FBXW5: variants seen among roughly 807,000 people sequenced by gnomAD.
FBXW5 encodes F-box and WD repeat domain containing 5, also known as F-box/WD repeat-containing protein 5.
Under a neutral mutation model 50.9 loss-of-function variants are expected in FBXW5, and 74 were observed. The observed-to-expected ratio is 1.45, with a 90% CI of 1.20 to 1.76. The LOEUF is 1.76. Ranked by LOEUF, FBXW5 falls within the 40% of genes most tolerant of loss-of-function variation. The pLI is 0.00. For synonymous variants in FBXW5, 523 were observed against 362.2 expected (o/e 1.44, Z -5.04); for missense variants, 1,073 against 818.8 (o/e 1.31, Z -3.79).
Position 136,941,531 on chromosome 9 carries a change from G to GC in FBXW5, c.1244+5dup. ...ACCCCGCCTGGGACACTGGCAAGAG[G>GC]CCCACCTGTTGTCGGGCGACAGGCC... On this transcript the variant is annotated splice_donor_region_variant and intron_variant, in intron 7 of 8. Coordinates refer to ENST00000325285, the MANE Select transcript of FBXW5 (RefSeq NM_018998.4). 1.9e-6 allele frequency: 3 copies of GC among 1,609,486 alleles called. No homozygotes were observed. The South Asian group carries it at 3.3e-5, about 18-fold the overall frequency.
In FBXW5 at chr9:136,942,828, G is replaced by A. The variant is rs770441219; in HGVS notation, c.467C>T (p.Ser156Leu). The change falls in exon 4 of 9, where the codon TCG (serine) becomes TTG (leucine). Residue 156 changes from serine to leucine, a missense_variant. Ser to Leu is a moderately radical substitution (Grantham distance 145). Transcript: ENST00000325285. ...GTTGTGCGGCCCCAGGAACACCCCC[G>A]AGGCCAGCAGTAGCGAGTCGTCCTT... is the stretch of plus-strand genomic sequence containing the variant. Reference protein sequence around the residue: ...FNKDDSLLLASGVFLGPHNSS... With the variant: ...FNKDDSLLLALGVFLGPHNSS... 39 of 1,613,214 alleles carry A rather than the reference G, an allele frequency of 2.4e-5. No homozygotes were observed. The highest frequency in any genetic ancestry group is 6.7e-5 in the East Asian group (3 of 44,890).
chr9:136,942,895 G>C lies in FBXW5; in HGVS notation c.400C>G (p.Arg134Gly). ...TISLLHSADM[R>G]PYNWSYTQFS... The stretch of plus-strand genomic sequence containing the variant: ...TGGGTGTAGCTCCAGTTGTAGGGCC[G>C]CATGTCCGCGCTGTGCAGCAGCGAG... The change falls in exon 4 of 9, where the codon CGG (arginine) becomes GGG (glycine). Residue 134 changes from arginine (R) to glycine (G), a missense_variant. Transcript: ENST00000325285. 1 of 1,613,502 alleles carries C rather than the reference G, an allele frequency of 6.2e-7. No individual in the cohort carries two copies. The highest frequency in any genetic ancestry group is 8.5e-7 in the Non-Finnish European group (1 of 1,179,976).
chr9:136,940,587 G>C lies in FBXW5; in HGVS notation c.*341C>G. ...CCTGCCACCACTGGGCCACCGTCCA[G>C]GGCCCCACAGGACCAGCCGAAGGTG... is the stretch of plus-strand genomic sequence containing the variant. On this transcript the variant is annotated 3_prime_UTR_variant, in exon 9 of 9. Transcript: ENST00000325285. 2.9e-6 allele frequency: 1 copy of C among 343,774 alleles called. No homozygotes were observed. Among genetic ancestry groups the C allele is most frequent in the Middle Eastern group, 9.5e-4 (1 of 1,050 alleles). The allele number at this position is 343,774 out of a possible 1,614,324, so 21.3% of individuals were successfully genotyped here.
Position 136,942,482 on chromosome 9 carries a change from C to A in FBXW5, c.676-16G>T. On this transcript the variant is annotated splice_polypyrimidine_tract_variant and intron_variant, in intron 5 of 8. Coordinates refer to ENST00000325285, the MANE Select transcript of FBXW5 (RefSeq NM_018998.4). ...ACTCCACATCCTGGGGGCGGGGGCA[C>A]GTGCCAGGTGGGCGCCGGGCGCCAG... is the stretch of plus-strand genomic sequence containing the variant. The A allele has an allele frequency of 6.3e-7, 1 of 1,596,182 alleles. No homozygotes were observed. Among genetic ancestry groups the A allele is most frequent in the African/African-American group, 1.3e-5 (1 of 74,198 alleles).
intron 1 of FBXW5, 75 bp from the exon 2 acceptor site, chr9:136,944,181 C>T (rs1250818415): frequency 4.3e-6 from 6 of 1,404,186 alleles, no homozygotes; most frequent in Non-Finnish European, 4.7e-6. Flanking sequence ...GTTCCTCCAG[C>T]CCCAACCGTC....
intron 6 of FBXW5, 39 bp from the exon 7 acceptor site, chr9:136,941,723 C>T (rs1350944019): frequency 6.5e-7 from 1 of 1,532,770 alleles, no homozygotes; most frequent in South Asian, 1.2e-5. Flanking sequence ...TGTCCAATGC[C>T]CCAAGGACAT....
Position 136,943,808 on chromosome 9 carries a change from G to GCCCCCAGCCAGGCTGA in FBXW5, c.193+67_193+82dup, listed in dbSNP as rs1234952456. On this transcript the variant is annotated intron_variant, in intron 2 of 8. Coordinates refer to ENST00000325285, the MANE Select transcript of FBXW5 (RefSeq NM_018998.4). Reference sequence around the variant, plus strand: ...ATGGACACGCGGGGCCGCGGGGCGGGCCCCCAGCCAGGCTGACCCCCAAGC... The same window carrying GCCCCCAGCCAGGCTGA: ...ATGGACACGCGGGGCCGCGGGGCGGGCCCCCAGCCAGGCTGACCCCCAGCCAGGCTGACCCCCAAGC... The GCCCCCAGCCAGGCTGA allele has an allele frequency of 1.3e-4, 178 of 1,423,600 alleles. 1 individual carries two copies. In the South Asian group the frequency reaches 1.3e-3, roughly 11 times the overall value. 88.2% of individuals were successfully genotyped at this position (1,423,600 alleles called of 1,614,324 possible).
rs1346519030 is a variant in FBXW5, at chr9:136,940,507, C to G, written c.*421G>C. ...ACATGCAACACACTCGGGCCCACAG[C>G]AGCGTGACCGGCCGCTCCCAAGCCC... On this transcript the variant is annotated 3_prime_UTR_variant, in exon 9 of 9. Coordinates refer to ENST00000325285, the MANE Select transcript of FBXW5 (RefSeq NM_018998.4). 1.2e-5 allele frequency: 3 copies of G among 256,690 alleles called. No individual in the cohort carries two copies. The highest frequency in any genetic ancestry group is 2.3e-5 in the Non-Finnish European group (3 of 128,812). 15.9% of individuals were successfully genotyped at this position (256,690 alleles called of 1,614,324 possible).
Position 136,940,958 on chromosome 9 carries a change from G to A in FBXW5, c.1671C>T (p.Phe557=), listed in dbSNP as rs764064558. Residue 557 remains phenylalanine, a synonymous_variant, in exon 9 of 9, where the codon TTC becomes TTT. Coordinates refer to ENST00000325285, the MANE Select transcript of FBXW5 (RefSeq NM_018998.4). ...LQAPRPRPRT[F]FSWLASQRR ...GCCTCTGGCTGGCAAGCCAGGAGAA[G>A]AAGGTGCGAGGCCGTGGGCGAGGTG... 39 of 1,570,288 alleles carry A rather than the reference G, an allele frequency of 2.5e-5. No individual in the cohort carries two copies. The South Asian group carries it at 3.4e-4, about 14-fold the overall frequency.
At position 136,944,117 on chromosome 9, in the gene FBXW5, C is replaced by A; in HGVS notation, c.-23-11G>T. Reference sequence around the variant, plus strand: ...TCTGCCCAGGCGGCCCTGAAACCCACCAACGGCTGCCCTCAGCCCAGGCCC... The same window carrying A: ...TCTGCCCAGGCGGCCCTGAAACCCAACAACGGCTGCCCTCAGCCCAGGCCC... On this transcript the variant is annotated splice_polypyrimidine_tract_variant and intron_variant, in intron 1 of 8. Transcript: ENST00000325285. The A allele has an allele frequency of 9.7e-6, 15 of 1,545,656 alleles. No homozygotes were observed. The highest frequency in any genetic ancestry group is 1.1e-5 in the Non-Finnish European group (13 of 1,144,616).
rs925937656 is a variant in FBXW5 at position 136,940,828 on chromosome 9, A to G, written c.*100T>C. 8.2e-6 allele frequency: 12 copies of G among 1,461,620 alleles called. No individual in the cohort carries two copies. The highest frequency in any genetic ancestry group is 4.2e-5 in the African/African-American group (3 of 71,192). The allele number at this position is 1,461,620 out of a possible 1,614,324, so 90.5% of individuals were successfully genotyped here. On this transcript the variant is annotated 3_prime_UTR_variant, in exon 9 of 9. Transcript: ENST00000325285. ...CCTGGTTGTCCCCTTCCTAAGGCGT[A>G]ACTGCTATAAGCATCTCCACCTCTC...
At chr9:136,943,676 G>A (rs1446738470) in intron 2 of FBXW5, among the ~76,000 whole-genome samples, 170 bp from the exon 3 acceptor site, 1 of 152,078 alleles carries the variant, frequency 6.6e-6, no homozygotes, top group Non-Finnish European at 1.5e-5. Context: ...AGAGACCCCT[G>A]TACCCCCCAC....
rs150230588 is a variant in FBXW5, at chr9:136,940,676, C to T, written c.*252G>A. 1.7e-4 allele frequency: 95 copies of T among 560,070 alleles called. 1 individual carries two copies. The East Asian group carries it at 2.6e-3, about 15-fold the overall frequency. 34.7% of individuals were successfully genotyped at this position (560,070 alleles called of 1,614,324 possible). A position where few individuals can be genotyped will look rare whatever the true frequency, so the allele number is the denominator to read the frequency against. On this transcript the variant is annotated 3_prime_UTR_variant, in exon 9 of 9. Coordinates refer to ENST00000325285, the MANE Select transcript of FBXW5 (RefSeq NM_018998.4). ...CCTGGGGTTGAGTGAGGAGCGGCACCCCCAGTATCCTGTGTACCCCAAGTT... is the reference window on the plus strand; with the variant it reads ...CCTGGGGTTGAGTGAGGAGCGGCACTCCCAGTATCCTGTGTACCCCAAGTT...
intron 8 of FBXW5, 39 bp downstream of exon 8, chr9:136,941,212 G>A (rs780017206): frequency 3.1e-5 from 49 of 1,599,110 alleles, no homozygotes; most frequent in Non-Finnish European, 3.8e-5. Context: ...CCCGCCCGCT[G>A]CTGCCCACAC....
chr9:136,944,547 G>A, intron 1 of FBXW5, 47 bp downstream of exon 1: 2 of 983,760 alleles, frequency 2.0e-6, no homozygotes, highest in Non-Finnish European at 2.4e-6. Context: ...GCCCAAGGCG[G>A]GCGGGGACGA....
At position 136,943,254 on chromosome 9, in the gene FBXW5, C is replaced by A. The variant is rs568389921; in HGVS notation, c.351+95G>T. ...GTCACCTCTGGCCTGACCCACCCCC[C>A]CCCCCACCACCACCTGGTTGGAACG... On this transcript the variant is annotated intron_variant, in intron 3 of 8. Coordinates refer to ENST00000325285, the MANE Select transcript of FBXW5 (RefSeq NM_018998.4). The A allele has an allele frequency of 2.3e-5, 28 of 1,214,974 alleles. 3 individuals are homozygous for A. The highest frequency in any genetic ancestry group is 5.7e-5 in the Admixed American group (3 of 52,220). 75.3% of individuals were successfully genotyped at this position (1,214,974 alleles called of 1,614,324 possible). A position where few individuals can be genotyped will look rare whatever the true frequency, so the allele number is the denominator to read the frequency against.
rs1475263660 is a variant in FBXW5, at chr9:136,942,647, A to G, written c.575T>C (p.Phe192Ser). Residue 192 changes from phenylalanine to serine, a missense_variant, in exon 5 of 9, where the codon TTT becomes TCT. Transcript: ENST00000325285. ...GCTGGTCTCGGTGAGCCAACAGCCA[A>G]ACACGTCATAGGGCTTGTTCCGCAC... The part of the protein sequence containing the change: ...SRVRNKPYDV[F>S]GCWLTETSLI... The G allele has an allele frequency of 6.2e-7, 1 of 1,609,700 alleles. No individual in the cohort carries two copies. Among genetic ancestry groups the G allele is most frequent in the Admixed American group, 1.7e-5 (1 of 59,536 alleles).
rs771754193 is a variant in FBXW5, at chr9:136,941,251, CTGGCCA to C, written c.1451_1456del (p.Val484_Ser486delinsGly). 1 of 1,604,204 alleles carries C rather than the reference CTGGCCA, an allele frequency of 6.2e-7. No homozygotes were observed. The stretch of plus-strand genomic sequence containing the variant: ...CCCTGCACCACGCCGCGCCCTGCAC[CTGGCCA>C]CGAAGTCCCTGCTGACGTCCAGGAA... On this transcript the variant is annotated inframe_deletion and splice_region_variant, in exon 8 of 9. Transcript: ENST00000325285.
At chr9:136,944,207 C>T (rs1365240318) in intron 1 of FBXW5, 101 bp from the exon 2 acceptor site, 3 of 1,301,558 alleles carry the variant, frequency 2.3e-6, no homozygotes, top group Admixed American at 2.7e-5. Flanking sequence ...GGGAGTTCCA[C>T]GGGGCTGCGT....
Sources: allele counts gnomAD v4.1 joint callset (sites outside exome capture counted in the v4.1 genomes callset), GRCh38; gene constraint gnomAD v4.1.1; transcripts MANE v1.5; gene names NCBI Gene and HGNC (gene_info 2026-07-23, HGNC 2026-07-21).